Variants in SPDL1 observed in about 807,000 individuals in gnomAD.
The protein encoded by SPDL1 is protein Spindly.
SPDL1 carries 85 observed loss-of-function variants against 79.5 expected under a neutral mutation model. The ratio of observed to expected loss-of-function variants is 1.07; its 90% CI spans 0.90 to 1.28. The LOEUF (loss-of-function observed/expected upper bound fraction) is 1.28, where lower values mean the gene tolerates loss of function less well. Ranked by LOEUF, SPDL1 falls within the 50% of genes most tolerant of loss-of-function variation. The pLI, the probability that SPDL1 is intolerant of heterozygous loss-of-function variation, is 0.00. For synonymous variants in SPDL1, 269 were observed against 240.3 expected (o/e 1.12, Z -1.10); for missense variants, 703 against 697.8 (o/e 1.01, Z -0.08).
chr5:169,594,702 A>T, intron 7 of SPDL1, 21 bp downstream of exon 7: 2 of 1,559,478 alleles, frequency 1.3e-6, no homozygotes, highest in Non-Finnish European at 1.8e-6. Flanking sequence ...TTCACTATCA[A>T]AGGTTTATTA....
intron 7 of SPDL1, among the ~76,000 whole-genome samples, chr5:169,595,047 C>G (rs1755520790): frequency 6.6e-6 from 1 of 152,162 alleles, no homozygotes. Context: ...AAACTCGCTG[C>G]CTCACCATTC....
chr5:169,598,933 G>C (rs1172899187), intron 9 of SPDL1, 39 bp from the exon 10 acceptor site: 2 of 1,508,208 alleles, frequency 1.3e-6, no homozygotes, highest in Non-Finnish European at 1.8e-6. Context: ...ATTATATGCT[G>C]TCTTAATACT....
At chr5:169,591,256 A>T in intron 3 of SPDL1, 32 bp downstream of exon 3, 1 of 1,593,130 alleles carries the variant, frequency 6.3e-7, no homozygotes, top group Non-Finnish European at 8.6e-7. Flanking sequence ...AGCACAAAAT[A>T]TTCCATATTT....
In SPDL1 at chr5:169,591,142, A is replaced by C; in HGVS notation, c.254A>C (p.Gln85Pro). 1 of 1,614,110 alleles carries C rather than the reference A, an allele frequency of 6.2e-7. No individual in the cohort carries two copies. The highest frequency in any genetic ancestry group is 8.5e-7 in the Non-Finnish European group (1 of 1,179,988). The change falls in exon 3 of 12, where the codon CAA becomes CCA. Residue 85 changes from glutamine (Q) to proline (P), a missense_variant. Coordinates refer to ENST00000265295, the MANE Select transcript of SPDL1 (RefSeq NM_017785.5). ...AGCTGCGAATGTGAAGCTATTAAAC[A>C]ACAACAAAAAATGCACCTGGAGAAA... The part of the protein sequence containing the change: ...SLSCECEAIK[Q>P]QQKMHLEKLE...
At chr5:169,590,809 A>G (rs1246538100) in intron 2 of SPDL1, 1 of 547,424 alleles carries the variant, frequency 1.8e-6, no homozygotes, top group Admixed American at 2.2e-5. Context: ...TACTTCCTTG[A>G]CAAGGCACAG....
Position 169,598,952 on chromosome 5 carries a change from C to T in SPDL1, c.1137-20C>T. On this transcript the variant is annotated intron_variant, in intron 9 of 11. Transcript: ENST00000265295. Reference sequence around the variant, plus strand: ...TATGCTGTCTTAATACTCGTTGGTTCTCCTTTTTTATTATCATAGCAAAGA... The same window carrying T: ...TATGCTGTCTTAATACTCGTTGGTTTTCCTTTTTTATTATCATAGCAAAGA... 1 of 1,515,778 alleles carries T rather than the reference C, an allele frequency of 6.6e-7. No homozygotes were observed. The highest frequency in any genetic ancestry group is 2.3e-5 in the East Asian group (1 of 43,224). The allele number at this position is 1,515,778 out of a possible 1,614,324, so 93.9% of individuals were successfully genotyped here. A position where few individuals can be genotyped will look rare whatever the true frequency, so the allele number is the denominator to read the frequency against.
At chr5:169,588,313 A>T in intron 1 of SPDL1, 81 bp from the exon 2 acceptor site, 1 of 936,638 alleles carries the variant, frequency 1.1e-6, no homozygotes, top group Non-Finnish European at 1.6e-6. Flanking sequence ...AGTATTGAGT[A>T]GATATGTTTC....
intron 11 of SPDL1, among the ~76,000 whole-genome samples, chr5:169,602,912 A>G (rs189380333): frequency 6.6e-6 from 1 of 152,314 alleles, no homozygotes; most frequent in East Asian, 1.9e-4. Context: ...TGACCAGTGT[A>G]TATTTCTGGA....
chr5:169,599,149 T>C lies in SPDL1; in HGVS notation c.1314T>C (p.Tyr438=). The C allele has an allele frequency of 2.0e-6, 3 of 1,531,604 alleles. No homozygotes were observed. Among genetic ancestry groups the C allele is most frequent in the Non-Finnish European group, 2.7e-6 (3 of 1,121,114 alleles). 94.9% of individuals were successfully genotyped at this position (1,531,604 alleles called of 1,614,324 possible). ...RAKLDELKLK[Y]EPEETVEVPV... Reference sequence around the variant, plus strand: ...AACTAGATGAATTGAAACTAAAATATGAACCTGAAGGTATATATGTCTCAT... The same window carrying C: ...AACTAGATGAATTGAAACTAAAATACGAACCTGAAGGTATATATGTCTCAT... The change falls in exon 10 of 12, where the codon TAT becomes TAC. Residue 438 remains tyrosine (Y), a synonymous_variant. Coordinates refer to ENST00000265295, the MANE Select transcript of SPDL1 (RefSeq NM_017785.5).
chr5:169,594,514 A>T, intron 6 of SPDL1, 22 bp downstream of exon 6: 1 of 1,612,000 alleles, frequency 6.2e-7, no homozygotes, highest in East Asian at 2.2e-5. Flanking sequence ...TATCCTAACT[A>T]CTAAATTGGT....
rs1450109581 is a variant in SPDL1 at position 169,596,622 on chromosome 5, G to A, written c.953G>A (p.Arg318Gln). The change falls in exon 8 of 12, where the codon CGG becomes CAG. Residue 318 changes from arginine to glutamine, a missense_variant. By Grantham distance (43) the Arg-to-Gln change is conservative (BLOSUM62 1). Transcript: ENST00000265295. ...GSQTEFEQQERLLAMLEQKNG... is the reference protein window; with the variant it reads ...GSQTEFEQQEQLLAMLEQKNG... ...CAAACTGAATTTGAGCAGCAGGAAC[G>A]GTTGCTTGCCATGTTGGAGCAGAAG... The A allele has an allele frequency of 5.0e-6, 8 of 1,608,250 alleles. No homozygotes were observed. Among genetic ancestry groups the A allele is most frequent in the East Asian group, 2.2e-5 (1 of 44,582 alleles).
At position 169,593,317 on chromosome 5, in the gene SPDL1, A is replaced by G. The variant is rs763284701; in HGVS notation, c.337-37A>G. ...CAGTGATTGTTTTTAGAAAGAAAAT[A>G]ACTTTCAATTTATGACTTTTTTTTT... On this transcript the variant is annotated intron_variant, in intron 3 of 11. Transcript: ENST00000265295. 22 of 1,520,438 alleles carry G rather than the reference A, an allele frequency of 1.4e-5. No homozygotes were observed. In the South Asian group the frequency reaches 2.8e-4, roughly 19 times the overall value. The allele number at this position is 1,520,438 out of a possible 1,614,324, so 94.2% of individuals were successfully genotyped here. A position where few individuals can be genotyped will look rare whatever the true frequency, so the allele number is the denominator to read the frequency against.
In SPDL1 at chr5:169,591,094, A is replaced by G. The variant is rs1755256077; in HGVS notation, c.206A>G (p.Lys69Arg). 6.2e-7 allele frequency: 1 copy of G among 1,613,896 alleles called. No homozygotes were observed. The highest frequency in any genetic ancestry group is 8.5e-7 in the Non-Finnish European group (1 of 1,179,942). The stretch of plus-strand genomic sequence containing the variant: ...ACCCTTCAAAGAGAAGTTGAACTCA[A>G]GAGTCGAATGTTAGAAAGTTTGAGC... The part of the protein sequence containing the change: ...KYTLQREVEL[K>R]SRMLESLSCE... The change falls in exon 3 of 12, where the codon AAG becomes AGG. Residue 69 changes from lysine to arginine, a missense_variant. Physicochemically the swap from Lys to Arg is conservative, Grantham distance 26. Coordinates refer to ENST00000265295, the MANE Select transcript of SPDL1 (RefSeq NM_017785.5).
chr5:169,591,911 G>A (rs532886329), intron 3 of SPDL1, among the ~76,000 whole-genome samples: 140 of 152,314 alleles, frequency 9.2e-4, no homozygotes, highest in African/African-American at 3.2e-3. Flanking sequence ...ATTGGTCAGT[G>A]GTTTTCCCTT....
intron 8 of SPDL1, among the ~76,000 whole-genome samples, chr5:169,597,722 T>G (rs1270032988): frequency 6.6e-6 from 1 of 152,196 alleles, no homozygotes; most frequent in Non-Finnish European, 1.5e-5. Flanking sequence ...TTGTAAATGT[T>G]AATAACCTCT....
intron 1 of SPDL1, chr5:169,584,134 A>G (rs1314646637): frequency 2.0e-5 from 3 of 152,218 alleles, no homozygotes; most frequent in South Asian, 2.1e-4. Context: ...CGGGTCCTCA[A>G]AATTATAACC....
chr5:169,591,626 A>G (rs1365895545), intron 3 of SPDL1, among the ~76,000 whole-genome samples: 10 of 152,198 alleles, frequency 6.6e-5, no homozygotes, highest in Non-Finnish European at 1.5e-4. Context: ...ATTACAAATG[A>G]CACTTTATAG....
At position 169,598,538 on chromosome 5, in the gene SPDL1, C is replaced by T. The variant is rs150116426; in HGVS notation, c.1095C>T (p.Thr365=). The change falls in exon 9 of 12, where the codon ACC becomes ACT. Residue 365 remains threonine (T), a synonymous_variant. Transcript: ENST00000265295. ...SVDSGTLEDN[T]YYTDLLQMKL... Reference sequence around the variant, plus strand: ...ACTCTGGTACTCTGGAAGATAACACCTATTATACAGATTTACTTCAGATGA... The same window carrying T: ...ACTCTGGTACTCTGGAAGATAACACTTATTATACAGATTTACTTCAGATGA... The T allele has an allele frequency of 3.1e-6, 5 of 1,612,938 alleles. No individual in the cohort carries two copies. The Admixed American group carries it at 8.3e-5, about 27-fold the overall frequency.
chr5:169,601,803 T>C (rs1755944682), intron 11 of SPDL1, 178 bp downstream of exon 11: 1 of 711,832 alleles, frequency 1.4e-6, no homozygotes, highest in South Asian at 1.5e-5. Context: ...CTAAACTGAT[T>C]GCAAAGGGAA....
Sources: gnomAD v4.1 joint callset for allele counts (sites outside exome capture counted in the v4.1 genomes callset) on GRCh38, gnomAD v4.1.1 for gene constraint, MANE v1.5 for transcripts, NCBI Gene and HGNC (gene_info 2026-07-23, HGNC 2026-07-21) for gene names.